The following SHROOM2 variants were observed in gnomAD, a reference collection of about 807,000 sequenced individuals.
SHROOM2 encodes the protein protein Shroom2.
In SHROOM2, 33 loss-of-function variants were observed where a neutral mutation model predicts 75.9. The ratio of observed to expected loss-of-function variants is 0.43; its 90% CI spans 0.33 to 0.58. The LOEUF is 0.58. SHROOM2 is among the 20% of genes least tolerant of loss of function. The probability of loss-of-function intolerance (pLI) is 0.04; values close to 1 mark genes in which losing one functional copy is unlikely to be tolerated. For synonymous variants in SHROOM2, 655 were observed against 663.6 expected, an observed-to-expected ratio of 0.99 and a Z score of 0.20; for missense variants, 1,434 against 1,461.2, an observed-to-expected ratio of 0.98 and a Z score of 0.30.
At chrX:9,939,642 C>T (rs2084751323) in intron 8 of SHROOM2, among the ~76,000 whole-genome samples, 1 of 112,431 alleles carries the variant, frequency 8.9e-6, no homozygotes, top group Non-Finnish European at 1.9e-5. Flanking sequence ...TTCATTTTAT[C>T]TTATTTATTT....
intron 1 of SHROOM2, among the ~76,000 whole-genome samples, chrX:9,863,501 G>C (rs369643727): frequency 9.0e-6 from 1 of 111,053 alleles, no homozygotes; most frequent in Non-Finnish European, 1.9e-5. Context: ...TTTAGGGAGA[G>C]ATGAAACAAG....
chrX:9,795,117 C>CTTTCTTTCT (rs141883410), intron 1 of SHROOM2, among the ~76,000 whole-genome samples: 11,440 of 103,315 alleles, frequency 0.11, 652 homozygotes, highest in Non-Finnish European at 0.14. Context: ...TTCTTTCTTT[C>CTTTCTTTCT]TTTTTTTTTT....
At chrX:9,855,324 C>G (rs1178494818) in intron 1 of SHROOM2, among the ~76,000 whole-genome samples, 3 of 44,810 alleles carry the variant, frequency 6.7e-5, no homozygotes, top group Admixed American at 2.5e-4. Flanking sequence ...AAAAAAAAGG[C>G]ATCCTATCAT....
chrX:9,895,080 C>T lies in SHROOM2; in HGVS notation c.1172C>T (p.Ala391Val). ...GGAGGCCCGGGCTGCCCACAGGAGG[C>T]CCACGCAGACGGCAGCTGGCCGCCC... ...GSGGPGCPQE[A>V]HADGSWPPSK... is the part of the protein sequence containing the mutation. Residue 391 changes from alanine (A) to valine (V), a missense_variant, in exon 4 of 10, where the codon GCC (alanine) becomes GTC (valine). By Grantham distance (64) the Ala-to-Val change is moderately conservative. This residue lies in a region of SHROOM2 where 1,340 missense variants were observed against 1,338.3 expected (regional missense o/e 1.00). Transcript: ENST00000380913. 1 of 1,208,421 alleles carries T rather than the reference C, an allele frequency of 8.3e-7. No homozygotes were observed. Among genetic ancestry groups the T allele is most frequent in the Non-Finnish European group, 1.1e-6 (1 of 893,964 alleles).
intron 1 of SHROOM2, among the ~76,000 whole-genome samples, chrX:9,838,560 T>C (rs1010906304): frequency 3.6e-5 from 4 of 111,707 alleles, no homozygotes; most frequent in Non-Finnish European, 7.5e-5. Flanking sequence ...AGTATCTCAG[T>C]AGTGACGAAC....
chrX:9,829,180 C>T (rs750446524), intron 1 of SHROOM2, among the ~76,000 whole-genome samples: 150 of 111,803 alleles, frequency 1.3e-3, no homozygotes, highest in Non-Finnish European at 1.8e-3. Context: ...TGCGCCACCA[C>T]CCCCGGCTAA....
chrX:9,886,195 C>T (rs772859060), intron 2 of SHROOM2, among the ~76,000 whole-genome samples: 2 of 112,382 alleles, frequency 1.8e-5, no homozygotes, highest in Non-Finnish European at 3.8e-5. Context: ...CAGGCAGGTT[C>T]CCTGCCTGCC....
chrX:9,827,223 C>CTTTTTTTTTTTTTTTTTTT (rs397953893), intron 1 of SHROOM2, among the ~76,000 whole-genome samples: 1 of 60,153 alleles, frequency 1.7e-5, no homozygotes, highest in Non-Finnish European at 2.8e-5. Flanking sequence ...TTTTCTTTTT[C>CTTTTTTTTTTTTTTTTTTT]TTTTTTTTTT....
intron 1 of SHROOM2, among the ~76,000 whole-genome samples, chrX:9,821,060 C>A (rs998454260): frequency 8.9e-6 from 1 of 111,823 alleles, no homozygotes; most frequent in African/African-American, 3.3e-5. Flanking sequence ...ATCAGTATCC[C>A]CTGGGAACTT....
chrX:9,855,348 C>T (rs2146780793), intron 1 of SHROOM2, among the ~76,000 whole-genome samples: 1 of 104,874 alleles, frequency 9.5e-6, no homozygotes, highest in African/African-American at 3.5e-5. Context: ...TTGGCACCCT[C>T]GATGTCAAAA....
chrX:9,909,941 C>T (rs796250574), intron 5 of SHROOM2, among the ~76,000 whole-genome samples: 1 of 111,657 alleles, frequency 9.0e-6, no homozygotes, highest in Admixed American at 9.5e-5. Context: ...CTCTCTGCTG[C>T]GTCCTCACAT....
At chrX:9,795,168 C>T (rs770253088) in intron 1 of SHROOM2, among the ~76,000 whole-genome samples, 7 of 108,123 alleles carry the variant, frequency 6.5e-5, no homozygotes, top group South Asian at 8.1e-4. Context: ...GCTGGAGAGC[C>T]GTGGCTATTC....
chrX:9,869,228 T>C (rs1357905089), intron 1 of SHROOM2, among the ~76,000 whole-genome samples: 1 of 113,001 alleles, frequency 8.8e-6, no homozygotes, highest in East Asian at 2.8e-4. Context: ...CCCAAAGTGC[T>C]GGGATTACAG....
chrX:9,867,588 G>A (rs1335358668), intron 1 of SHROOM2, among the ~76,000 whole-genome samples: 2 of 111,281 alleles, frequency 1.8e-5, no homozygotes, highest in South Asian at 3.8e-4. Flanking sequence ...ATGCTATCAC[G>A]CATGCGGCAC....
At chrX:9,897,939 A>G (rs2084343343) in intron 4 of SHROOM2, among the ~76,000 whole-genome samples, 1 of 112,170 alleles carries the variant, frequency 8.9e-6, no homozygotes, top group Non-Finnish European at 1.9e-5. Flanking sequence ...TCACCGCTGT[A>G]ATTTGTGACC....
chrX:9,837,127 C>T (rs139260606), intron 1 of SHROOM2, among the ~76,000 whole-genome samples: 1,514 of 112,441 alleles, frequency 0.013, 20 homozygotes, highest in African/African-American at 0.047. Flanking sequence ...AGCTGATGCA[C>T]GGTCTCATTG....
chrX:9,885,570 ATT>A (rs2084256395), intron 2 of SHROOM2, among the ~76,000 whole-genome samples: 3 of 111,305 alleles, frequency 2.7e-5, no homozygotes, highest in Admixed American at 1.9e-4. Context: ...ATATTAGTAA[ATT>A]TTCACTGTCC....
chrX:9,878,372 G>A (rs889862419), intron 2 of SHROOM2, among the ~76,000 whole-genome samples: 1 of 112,020 alleles, frequency 8.9e-6, no homozygotes, highest in Non-Finnish European at 1.9e-5. Flanking sequence ...GCATTCAGGA[G>A]CAGCTTAGCA....
At chrX:9,907,152 CAAGG>C (rs777398443) in intron 5 of SHROOM2, among the ~76,000 whole-genome samples, 7 of 111,621 alleles carry the variant, frequency 6.3e-5, no homozygotes, top group Non-Finnish European at 1.9e-5. Context: ...GGAAGCAAGA[CAAGG>C]AAACCTCTGA....
Sources: allele counts gnomAD v4.1 joint callset (sites outside exome capture counted in the v4.1 genomes callset), GRCh38; gene constraint gnomAD v4.1.1; regional missense constraint gnomAD v4.1.1; transcripts MANE v1.5; gene names NCBI Gene and HGNC (gene_info 2026-07-23, HGNC 2026-07-21).